Variants in NEO1 observed in about 807,000 individuals in gnomAD.
The protein encoded by NEO1 is neogenin.
In NEO1, 63 loss-of-function variants were observed where a neutral mutation model predicts 159.7. The observed-to-expected ratio is 0.39, with a 90% CI of 0.32 to 0.49. NEO1 has a LOEUF of 0.49. NEO1 is among the 20% of genes least tolerant of loss of function. The pLI, the probability that NEO1 is intolerant of heterozygous loss-of-function variation, is 0.85. For missense variants in NEO1, 1,615 were observed against 1,831.0 expected (o/e 0.88, Z 2.15); for synonymous variants, 633 against 662.0 (o/e 0.96, Z 0.67).
intron 7 of NEO1, among the ~76,000 whole-genome samples, chr15:73,204,619 C>CT (rs1231735045): frequency 6.6e-6 from 1 of 152,010 alleles, no homozygotes; most frequent in Non-Finnish European, 1.5e-5. Context: ...CCTTTTGATT[C>CT]TTTTTTTACA....
chr15:73,181,248 A>T (rs1009362611), intron 7 of NEO1, among the ~76,000 whole-genome samples: 3 of 152,248 alleles, frequency 2.0e-5, no homozygotes, highest in Non-Finnish European at 4.4e-5. Flanking sequence ...GATTATAAAT[A>T]ATAAAAACAA....
intron 5 of NEO1, among the ~76,000 whole-genome samples, chr15:73,164,659 T>G (rs568081628): frequency 6.6e-6 from 1 of 152,356 alleles, no homozygotes; most frequent in South Asian, 2.1e-4. Context: ...ACACCTTGAC[T>G]TAGTTATTCC....
intron 5 of NEO1, among the ~76,000 whole-genome samples, chr15:73,172,251 C>G (rs1159491304): frequency 6.6e-6 from 1 of 152,020 alleles, no homozygotes; most frequent in East Asian, 1.9e-4. Flanking sequence ...GTTCAAAATC[C>G]AGATCTGTCA....
intron 1 of NEO1, among the ~76,000 whole-genome samples, chr15:73,104,695 A>T (rs1313781338): frequency 6.6e-6 from 1 of 152,182 alleles, no homozygotes; most frequent in African/African-American, 2.4e-5. Flanking sequence ...TGGGTAATTT[A>T]TGAAGAAAAG....
In NEO1 at chr15:73,066,270, C is replaced by T. The variant is rs10162948; in HGVS notation, c.130+13465C>T. On this transcript the variant is annotated intron_variant, in intron 1 of 28. Transcript: ENST00000261908. ...TCCTGACCTCGTGATCCACCCACCT[C>T]GGCCTCCCAAAGTGCTGGGATTACA... Among the ~76,000 whole-genome samples, 1,268 of 149,798 alleles carry T rather than the reference C, an allele frequency of 8.5e-3. 23 individuals carry two copies. The highest frequency in any genetic ancestry group is 0.029 in the African/African-American group (1,193 of 40,882).
rs377181522 is a variant in NEO1 at position 73,069,262 on chromosome 15, G to C, written c.130+16457G>C. Among the ~76,000 whole-genome samples the C allele has an allele frequency of 4.0e-5, 6 of 151,484 alleles. No individual in the cohort carries two copies. The East Asian group carries it at 5.8e-4, about 15-fold the overall frequency. ...TAGGCATGAGCCACTGCGCACAGCC[G>C]AGTAGGGGCATTTTTTATTCAACAG... On this transcript the variant is annotated intron_variant, in intron 1 of 28. Coordinates refer to ENST00000261908, the MANE Select transcript of NEO1 (RefSeq NM_002499.4).
intron 7 of NEO1, among the ~76,000 whole-genome samples, chr15:73,212,979 T>C (rs1372428298): frequency 6.6e-6 from 1 of 151,982 alleles, no homozygotes; most frequent in Non-Finnish European, 1.5e-5. Context: ...ATGAAAAATA[T>C]TTGAAAGAAT....
In NEO1 at chr15:73,164,360, C is replaced by T. The variant is rs1265317438; in HGVS notation, c.1016-12043C>T. On this transcript the variant is annotated intron_variant, in intron 5 of 28. Transcript: ENST00000261908. ...TTCCAAGTAGCTGGGATTACAGGCA[C>T]ATGCCACCACACTCAGGTAATTTTT... 2.0e-5 allele frequency among the ~76,000 whole-genome samples: 3 copies of T among 152,116 alleles called. No homozygotes were observed. The South Asian group carries it at 6.2e-4, about 32-fold the overall frequency.
At chr15:73,082,426 C>A (rs2069115573) in intron 1 of NEO1, among the ~76,000 whole-genome samples, 1 of 152,148 alleles carries the variant, frequency 6.6e-6, no homozygotes, top group Admixed American at 6.5e-5. Flanking sequence ...AGAATGTACT[C>A]TCCTTAAATT....
chr15:73,160,033 T>G (rs2034058236), intron 5 of NEO1, among the ~76,000 whole-genome samples: 1 of 152,210 alleles, frequency 6.6e-6, no homozygotes, highest in African/African-American at 2.4e-5. Context: ...CAGTTTTTAT[T>G]TGTAATTTTT....
chr15:73,225,726 T>G (rs1313199755), intron 7 of NEO1, among the ~76,000 whole-genome samples: 2 of 152,104 alleles, frequency 1.3e-5, no homozygotes, highest in Non-Finnish European at 2.9e-5. Flanking sequence ...CTCCCAGCTG[T>G]GAAAGAAAAG....
chr15:73,097,776 C>CTTTTTTTTTT (rs34165169), intron 1 of NEO1, among the ~76,000 whole-genome samples: 8 of 75,556 alleles, frequency 1.1e-4, no homozygotes, highest in African/African-American at 1.7e-4. Context: ...TGGAACTAGC[C>CTTTTTTTTTT]TTTTTTTTTT....
At chr15:73,238,480 A>G (rs573969351) in intron 8 of NEO1, among the ~76,000 whole-genome samples, 32 of 151,492 alleles carry the variant, frequency 2.1e-4, no homozygotes, top group African/African-American at 6.5e-4. Context: ...AATTCAAGTA[A>G]TCATGTTGAG....
intron 1 of NEO1, among the ~76,000 whole-genome samples, chr15:73,115,233 G>A (rs898296519): frequency 1.3e-5 from 2 of 152,062 alleles, no homozygotes; most frequent in Non-Finnish European, 1.5e-5. Flanking sequence ...AGTAGAGATG[G>A]GGTTTCACCA....
intron 21 of NEO1, among the ~76,000 whole-genome samples, chr15:73,276,247 C>G (rs1054403823): frequency 9.9e-5 from 15 of 152,156 alleles, no homozygotes; most frequent in African/African-American, 3.6e-4. Flanking sequence ...TCATAGTTTA[C>G]ATTCAAGAGA....
Position 73,266,482 on chromosome 15 carries a change from C to G in NEO1, c.2494+71C>G, listed in dbSNP as rs1045177853. The G allele has an allele frequency of 1.3e-5, 15 of 1,150,004 alleles. No homozygotes were observed. In the Middle Eastern group the frequency reaches 6.2e-4, roughly 47 times the overall value. 71.2% of individuals were successfully genotyped at this position (1,150,004 alleles called of 1,614,324 possible). On this transcript the variant is annotated intron_variant, in intron 16 of 28. Coordinates refer to ENST00000261908, the MANE Select transcript of NEO1 (RefSeq NM_002499.4). Reference sequence around the variant, plus strand: ...CTTAGGCAGAATATTGGCATGAGGCCTATCCCATAGGTGTTAGGGAAGAAA... The same window carrying G: ...CTTAGGCAGAATATTGGCATGAGGCGTATCCCATAGGTGTTAGGGAAGAAA...
At chr15:73,051,985 C>G (rs2067454039), upstream of NEO1, 1 of 151,566 alleles carries the variant, frequency 6.6e-6, no homozygotes, top group African/African-American at 2.4e-5. Context: ...CCAGAGGCAT[C>G]TGGGGAGGTG....
intron 1 of NEO1, among the ~76,000 whole-genome samples, chr15:73,075,905 A>G (rs2068747795): frequency 6.6e-6 from 1 of 152,072 alleles, no homozygotes. Context: ...TTGAGCTGTG[A>G]CTAGGATTAT....
chr15:73,197,154 G>A (rs1567452651), intron 7 of NEO1, among the ~76,000 whole-genome samples: 1 of 152,146 alleles, frequency 6.6e-6, no homozygotes, highest in Non-Finnish European at 1.5e-5. Flanking sequence ...GAGCTCGGGA[G>A]TTTGAGACCA....
Sources: gnomAD v4.1 joint callset for allele counts (sites outside exome capture counted in the v4.1 genomes callset) on GRCh38, gnomAD v4.1.1 for gene constraint, MANE v1.5 for transcripts, NCBI Gene and HGNC (gene_info 2026-07-23, HGNC 2026-07-21) for gene names.